Variants in GPHN observed in about 807,000 individuals in gnomAD.
The protein encoded by GPHN is gephyrin.
GPHN carries 17 observed loss-of-function variants against 95.5 expected under a neutral mutation model. The ratio of observed to expected loss-of-function variants is 0.18; its 90% CI spans 0.12 to 0.27. GPHN has a LOEUF of 0.27. Ranked by LOEUF, GPHN falls within the 10% of genes least tolerant of loss-of-function variation. GPHN has a pLI of 1.00. For synonymous variants in GPHN, 320 were observed against 322.5 expected, an observed-to-expected ratio of 0.99 and a Z score of 0.08; for missense variants, 660 against 978.1, an observed-to-expected ratio of 0.67 and a Z score of 4.34.
At chr14:67,378,400 T>C in the GPHN span, among the ~76,000 whole-genome samples, 1 of 150,754 alleles carries the variant, frequency 6.6e-6, no homozygotes, top group South Asian at 2.1e-4. Flanking sequence ...TATATAATTC[T>C]AACAACAACC....
At chr14:66,714,688 G>C (rs1036499664) in intron 2 of GPHN, among the ~76,000 whole-genome samples, 7 of 152,160 alleles carry the variant, frequency 4.6e-5, no homozygotes, top group African/African-American at 1.7e-4. Flanking sequence ...AATCATAAAA[G>C]TTGCTGGATT....
the GPHN span, chr14:67,450,147 G>A: frequency 6.6e-6 from 1 of 151,700 alleles, no homozygotes; most frequent in Admixed American, 6.6e-5. Flanking sequence ...CATGTAAGAT[G>A]TGACTTGCTT....
chr14:67,607,745 C>T, the GPHN span, among the ~76,000 whole-genome samples: 1 of 152,198 alleles, frequency 6.6e-6, no homozygotes, highest in South Asian at 2.1e-4. Flanking sequence ...GGATATCTTT[C>T]CCTCTGCCAT....
rs112787556 is a variant in GPHN at position 66,633,027 on chromosome 14, G to A, written c.65-48080G>A. ...GGCCTTCTTCACAACGTCATTCGAA[G>A]TGTACAATGTTTCTTGCACTTATTT... On this transcript the variant is annotated intron_variant, in intron 1 of 22. Coordinates refer to ENST00000478722, the MANE Select transcript of GPHN (RefSeq NM_020806.5). 3.6e-3 allele frequency among the ~76,000 whole-genome samples: 555 copies of A among 152,224 alleles called. 12 individuals carry two copies. The highest frequency in any genetic ancestry group is 0.013 in the African/African-American group (529 of 41,542).
chr14:66,691,186 A>T lies in GPHN; in HGVS notation c.143+10001A>T, dbSNP rs865935644. Among the ~76,000 whole-genome samples the T allele has an allele frequency of 1.2e-3, 174 of 147,002 alleles. 1 individual carries two copies. The highest frequency in any genetic ancestry group is 8.2e-3 in the South Asian group (38 of 4,626). On this transcript the variant is annotated intron_variant, in intron 2 of 22. Coordinates refer to ENST00000478722, the MANE Select transcript of GPHN (RefSeq NM_020806.5). ...GTGAGACACTGTCTCTACAATTTTT[A>T]TTTTTTTTTTTTATTTTTAGATGGA... is the stretch of plus-strand genomic sequence containing the variant.
chr14:66,727,878 A>G (rs1483935313), intron 2 of GPHN, among the ~76,000 whole-genome samples: 1 of 152,218 alleles, frequency 6.6e-6, no homozygotes, highest in African/African-American at 2.4e-5. Flanking sequence ...GCCAAATGTT[A>G]ATCCCCAATA....
intron 1 of GPHN, among the ~76,000 whole-genome samples, chr14:66,620,589 A>G (rs933991256): frequency 6.6e-6 from 1 of 152,140 alleles, no homozygotes; most frequent in African/African-American, 2.4e-5. Flanking sequence ...GGTTCTTCCC[A>G]TGACACGTGG....
At chr14:67,092,177 ACT>A (rs1187388013) in intron 12 of GPHN, among the ~76,000 whole-genome samples, 2 of 151,998 alleles carry the variant, frequency 1.3e-5, no homozygotes, top group Non-Finnish European at 2.9e-5. Flanking sequence ...AGGAAGATAA[ACT>A]CTATGAATCC....
chr14:66,804,196 G>A (rs147551042), intron 3 of GPHN, among the ~76,000 whole-genome samples: 106 of 152,302 alleles, frequency 7.0e-4, no homozygotes, highest in African/African-American at 2.4e-3. Context: ...CAGGAATTGA[G>A]CTGGATTACA....
At chr14:67,215,699 G>A in the GPHN span, among the ~76,000 whole-genome samples, 35,646 of 151,912 alleles carry the variant, frequency 0.23, 5,818 homozygotes, top group East Asian at 0.44. Flanking sequence ...AAAGCGTAAG[G>A]TTTATTTAAA....
the GPHN span, among the ~76,000 whole-genome samples, chr14:67,248,318 T>G: frequency 1.4e-3 from 216 of 152,154 alleles, no homozygotes; most frequent in African/African-American, 5.0e-3. Context: ...CCCAGGAGTT[T>G]GAGTCCAGCT....
At position 67,107,704 on chromosome 14, in the gene GPHN, G is replaced by A. The variant is rs142421091; in HGVS notation, c.1294-2436G>A. On this transcript the variant is annotated intron_variant, in intron 13 of 22. Coordinates refer to ENST00000478722, the MANE Select transcript of GPHN (RefSeq NM_020806.5). ...TCAGACTCTGAGGCCAGGTGCAGAA[G>A]CAGCAGATACCTTAGAATGGCAGAG... Among the ~76,000 whole-genome samples, 20 of 152,282 alleles carry A rather than the reference G, an allele frequency of 1.3e-4. No homozygotes were observed. In the East Asian group the frequency reaches 1.5e-3, roughly 12 times the overall value.
chr14:67,565,779 C>T, the GPHN span, among the ~76,000 whole-genome samples: 4 of 152,118 alleles, frequency 2.6e-5, no homozygotes, highest in Admixed American at 6.5e-5. Flanking sequence ...CACCACTGCT[C>T]GGGAGACCTG....
chr14:67,226,888 G>A, the GPHN span, among the ~76,000 whole-genome samples: 1 of 152,220 alleles, frequency 6.6e-6, no homozygotes, highest in African/African-American at 2.4e-5. Flanking sequence ...GACAGCGATG[G>A]GTGGCATACA....
At chr14:66,518,692 G>A (rs1387333959) in intron 1 of GPHN, among the ~76,000 whole-genome samples, 1 of 152,070 alleles carries the variant, frequency 6.6e-6, no homozygotes, top group Non-Finnish European at 1.5e-5. Context: ...CAACATGGAT[G>A]GAACTGAAGG....
chr14:66,614,739 A>AT (rs562995106), intron 1 of GPHN, among the ~76,000 whole-genome samples: 148 of 151,946 alleles, frequency 9.7e-4, no homozygotes, highest in Non-Finnish European at 7.2e-4. Context: ...CTTTTTTATG[A>AT]TTTTTTTCTT....
At chr14:67,287,753 C>T in the GPHN span, among the ~76,000 whole-genome samples, 1 of 152,222 alleles carries the variant, frequency 6.6e-6, no homozygotes, top group Non-Finnish European at 1.5e-5. Context: ...ACAGTGTCAT[C>T]TATACGGTTA....
chr14:67,696,212 T>C, the GPHN span, among the ~76,000 whole-genome samples: 1 of 151,740 alleles, frequency 6.6e-6, no homozygotes, highest in Non-Finnish European at 1.5e-5. Context: ...GGCACCGCGG[T>C]GTTTGTGAAA....
intron 1 of GPHN, among the ~76,000 whole-genome samples, chr14:66,546,741 C>G (rs550767971): frequency 2.5e-4 from 33 of 131,222 alleles, no homozygotes; most frequent in Non-Finnish European, 2.8e-4. Flanking sequence ...AGCTTCAGCT[C>G]GGTATCAGAG....
Sources: allele counts gnomAD v4.1 joint callset (sites outside exome capture counted in the v4.1 genomes callset), GRCh38; gene constraint gnomAD v4.1.1; transcripts MANE v1.5; gene names NCBI Gene and HGNC (gene_info 2026-07-23, HGNC 2026-07-21).